The following RIPOR2 variants were observed in gnomAD, a reference collection of about 807,000 sequenced individuals.
RIPOR2 encodes the protein rho family-interacting cell polarization regulator 2.
In RIPOR2, 39 loss-of-function variants were observed where a neutral mutation model predicts 114.5. That is an observed-to-expected ratio of 0.34 (90% confidence interval 0.26 to 0.44). RIPOR2 has a LOEUF of 0.44. Ranked by LOEUF, RIPOR2 falls within the 20% of genes least tolerant of loss-of-function variation. The pLI is 1.00. For missense variants in RIPOR2, 1,007 were observed against 1,255.1 expected, an observed-to-expected ratio of 0.80 and a Z score of 2.99; for synonymous variants, 445 against 484.4, an observed-to-expected ratio of 0.92 and a Z score of 1.07.
At chr6:24,818,501 C>G (rs757629024) in intron 20 of RIPOR2, 41 bp downstream of exon 20, 6 of 1,341,520 alleles carry the variant, frequency 4.5e-6, no homozygotes, top group Non-Finnish European at 6.2e-6. Context: ...TAGCCTGGCT[C>G]CAAGCTGAGC....
intron 1 of RIPOR2, among the ~76,000 whole-genome samples, chr6:24,968,589 G>A (rs908736603): frequency 3.9e-5 from 6 of 152,186 alleles, no homozygotes; most frequent in South Asian, 4.1e-4. Flanking sequence ...TGCAGAGGGG[G>A]ATGATGAGAG....
chr6:24,850,792 A>C, intron 9 of RIPOR2, 70 bp from the exon 10 acceptor site: 2 of 1,568,070 alleles, frequency 1.3e-6, no homozygotes, highest in Non-Finnish European at 1.7e-6. Context: ...ACCAAGATCA[A>C]AAGGAGAAAG....
At chr6:24,943,259 C>T (rs181939297) in intron 1 of RIPOR2, among the ~76,000 whole-genome samples, 1 of 152,248 alleles carries the variant, frequency 6.6e-6, no homozygotes, top group Non-Finnish European at 1.5e-5. Context: ...TCAAATACTG[C>T]ATGTTCTCAC....
intron 19 of RIPOR2, among the ~76,000 whole-genome samples, chr6:24,821,717 G>T (rs1053524328): frequency 1.3e-5 from 2 of 152,188 alleles, no homozygotes; most frequent in African/African-American, 4.8e-5. Flanking sequence ...CCACAAGTGG[G>T]CAGCTACACA....
intron 1 of RIPOR2, among the ~76,000 whole-genome samples, chr6:25,027,441 A>G (rs9356956): frequency 1.6e-4 from 25 of 152,172 alleles, no homozygotes; most frequent in African/African-American, 5.5e-4. Flanking sequence ...GGCCCAGGGT[A>G]TAAACATAGA....
chr6:24,840,415 T>C, intron 13 of RIPOR2: 1 of 1,236,374 alleles, frequency 8.1e-7, no homozygotes, highest in Non-Finnish European at 1.0e-6. Context: ...TGGAGCATTC[T>C]ATAATGCTGG....
At chr6:24,823,667 G>A (rs1394092505) in intron 19 of RIPOR2, among the ~76,000 whole-genome samples, 1 of 152,226 alleles carries the variant, frequency 6.6e-6, no homozygotes, top group African/African-American at 2.4e-5. Flanking sequence ...AATAACAAGA[G>A]AATATTTCAC....
chr6:24,992,967 T>C (rs1561831734), intron 1 of RIPOR2, among the ~76,000 whole-genome samples: 1 of 152,238 alleles, frequency 6.6e-6, no homozygotes, highest in Non-Finnish European at 1.5e-5. Flanking sequence ...ATGGCCTTTA[T>C]TGTAAAACAT....
chr6:24,818,612 T>C lies in RIPOR2; in HGVS notation c.2882A>G (p.Tyr961Cys), dbSNP rs1759387942. ...GTTTGTCTTTGTTAGTGCTTCACAGTAATAGAGCAAGGCCTGAAAGAGAAG... is the reference window on the plus strand; with the variant it reads ...GTTTGTCTTTGTTAGTGCTTCACAGCAATAGAGCAAGGCCTGAAAGAGAAG... ...QHFREKALLY[Y>C]CEALTKTNLQ... is the part of the protein sequence containing the mutation. Residue 961 changes from tyrosine to cysteine, a missense_variant, in exon 20 of 22, where the codon TAC (tyrosine) becomes TGC (cysteine). By Grantham distance (194) the Tyr-to-Cys change is radical. Transcript: ENST00000643898. 6.5e-7 allele frequency: 1 copy of C among 1,549,680 alleles called. No homozygotes were observed. The highest frequency in any genetic ancestry group is 1.2e-5 in the South Asian group (1 of 83,836).
chr6:24,835,899 A>C (rs541926616), intron 14 of RIPOR2, 28 bp from the exon 15 acceptor site: 1 of 1,549,576 alleles, frequency 6.5e-7, no homozygotes, highest in South Asian at 1.2e-5. Flanking sequence ...AACATTAGCT[A>C]TTCTTTTTCT....
At chr6:24,870,750 G>A (rs1167519787) in intron 5 of RIPOR2, 116 bp downstream of exon 5, 2 of 691,510 alleles carry the variant, frequency 2.9e-6, no homozygotes, top group Non-Finnish European at 4.9e-6. Context: ...CTAAGCTCAA[G>A]TGATCCACCC....
intron 14 of RIPOR2, 60 bp from the exon 15 acceptor site, chr6:24,835,931 TC>T: frequency 6.6e-7 from 1 of 1,516,464 alleles, no homozygotes; most frequent in Non-Finnish European, 8.9e-7. Flanking sequence ...ACAGGTCAAG[TC>T]CACATGGTTT....
chr6:24,915,333 ATCTT>A lies in RIPOR2; in HGVS notation c.61+20501_61+20504del, dbSNP rs371255998. On this transcript the variant is annotated intron_variant, in intron 1 of 21. Coordinates refer to ENST00000643898, the MANE Select transcript of RIPOR2 (RefSeq NM_001286445.3). ...AATTCTTCATTTGCTGCTCTGACCA[ATCTT>A]TCTCCCTCTGTCTGTACTTTTTTTT... Among the ~76,000 whole-genome samples, 404 of 148,176 alleles carry A rather than the reference ATCTT, an allele frequency of 2.7e-3. 2 individuals are homozygous for A. The highest frequency in any genetic ancestry group is 7.5e-3 in the African/African-American group (301 of 40,304).
At position 24,858,027 on chromosome 6, in the gene RIPOR2, A is replaced by G. The variant is rs1434952418; in HGVS notation, c.715+2946T>C. ...ATGCTATTCTGGTGCTGTTCACCATACATTACACTGGGATGCCTTCCTCTT... is the reference window on the plus strand; with the variant it reads ...ATGCTATTCTGGTGCTGTTCACCATGCATTACACTGGGATGCCTTCCTCTT... On this transcript the variant is annotated intron_variant, in intron 8 of 21. Transcript: ENST00000643898. The surrounding 1 kb of genome is among the most constrained non-coding windows in gnomAD (Gnocchi z 4.0). Among the ~76,000 whole-genome samples the G allele has an allele frequency of 2.0e-5, 3 of 152,150 alleles. No individual in the cohort carries two copies. In the East Asian group the frequency reaches 5.8e-4, roughly 29 times the overall value.
At chr6:24,826,907 T>A (rs1760237751) in intron 18 of RIPOR2, among the ~76,000 whole-genome samples, 1 of 152,064 alleles carries the variant, frequency 6.6e-6, no homozygotes, top group Non-Finnish European at 1.5e-5. Context: ...TTACATTTTT[T>A]TTTTTAATAA....
intron 15 of RIPOR2, among the ~76,000 whole-genome samples, chr6:24,833,685 T>C (rs1353298170): frequency 6.6e-6 from 1 of 152,160 alleles, no homozygotes; most frequent in Non-Finnish European, 1.5e-5. Context: ...ATATAACTAA[T>C]AAGTAAGCTC....
At chr6:25,014,007 A>G (rs181942925) in intron 1 of RIPOR2, among the ~76,000 whole-genome samples, 66 of 152,218 alleles carry the variant, frequency 4.3e-4, no homozygotes, top group African/African-American at 1.5e-3. Flanking sequence ...TTCAATGTTG[A>G]TTTTGGGTTT....
In RIPOR2 at chr6:24,879,132, G is replaced by A. The variant is rs1217310214; in HGVS notation, c.62-3315C>T. 2.2e-5 allele frequency among the ~76,000 whole-genome samples: 2 copies of A among 91,420 alleles called. 1 individual carries two copies. Among genetic ancestry groups the A allele is most frequent in the Non-Finnish European group, 4.3e-5 (2 of 46,432 alleles). The allele number at this position is 91,420 out of a possible 152,430, so 60.0% of individuals were successfully genotyped here. On this transcript the variant is annotated intron_variant, in intron 1 of 21. Coordinates refer to ENST00000643898, the MANE Select transcript of RIPOR2 (RefSeq NM_001286445.3). ...AGGCAGGTGGATCACCTGAGATCAG[G>A]AGTTTGAGACCAGCCTGGCCAACAT...
intron 1 of RIPOR2, among the ~76,000 whole-genome samples, chr6:24,949,561 C>T (rs570709739): frequency 2.0e-5 from 3 of 152,298 alleles, no homozygotes; most frequent in African/African-American, 7.2e-5. Flanking sequence ...GGACTCTAAG[C>T]AACCTTGGAG....
Sources: allele counts gnomAD v4.1 joint callset (sites outside exome capture counted in the v4.1 genomes callset), GRCh38; gene constraint gnomAD v4.1.1; non-coding constraint Gnocchi (gnomAD v3.1); transcripts MANE v1.5; gene names NCBI Gene and HGNC (gene_info 2026-07-23, HGNC 2026-07-21).